GOLGA3: variants seen among roughly 807,000 people sequenced by gnomAD.
GOLGA3 encodes the protein golgin A3, also known as golgin subfamily A member 3.
GOLGA3 carries 75 observed loss-of-function variants against 169.4 expected under a neutral mutation model. The ratio of observed to expected loss-of-function variants is 0.44; its 90% CI spans 0.37 to 0.54. GOLGA3 has a LOEUF of 0.54. Ranked by LOEUF, GOLGA3 falls within the 20% of genes least tolerant of loss-of-function variation. GOLGA3 has a pLI of 0.00. For missense variants in GOLGA3, 1,899 were observed against 1,930.0 expected, an observed-to-expected ratio of 0.98 and a Z score of 0.30; for synonymous variants, 824 against 822.4, an observed-to-expected ratio of 1.00 and a Z score of -0.03.
At position 132,796,140 on chromosome 12, in the gene GOLGA3, G is replaced by A. The variant is rs1345728182; in HGVS notation, c.2181C>T (p.Thr727=). The change falls in exon 11 of 24, where the codon ACC becomes ACT. Residue 727 remains threonine, a synonymous_variant. Coordinates refer to ENST00000450791, the MANE Select transcript of GOLGA3 (RefSeq NM_001389683.1). The part of the protein sequence containing the change: ...QEHLDLMKQL[T]LTQEALQSRE... Reference sequence around the variant, plus strand: ...TGCTCTGCAGAGCCTCCTGAGTCAAGGTGAGCTGTTTCATCAGGTCCAGGT... The same window carrying A: ...TGCTCTGCAGAGCCTCCTGAGTCAAAGTGAGCTGTTTCATCAGGTCCAGGT... The A allele has an allele frequency of 1.1e-5, 18 of 1,610,776 alleles. No individual in the cohort carries two copies. Among genetic ancestry groups the A allele is most frequent in the Non-Finnish European group, 1.5e-5 (18 of 1,178,296 alleles).
At chr12:132,786,901 G>A in intron 13 of GOLGA3, 114 bp from the exon 14 acceptor site, 4 of 724,446 alleles carry the variant, frequency 5.5e-6, no homozygotes, top group South Asian at 4.9e-5. Flanking sequence ...CGCCCTGGAG[G>A]ACTTGGGCCT....
In GOLGA3 at chr12:132,791,232, T is replaced by A. The variant is rs1034414179; in HGVS notation, c.2531A>T (p.Gln844Leu). The change falls in exon 12 of 24, where the codon CAG becomes CTG. Residue 844 changes from glutamine to leucine, a missense_variant. Physicochemically the swap from Gln to Leu is moderately radical, Grantham distance 113 (BLOSUM62 -2). Coordinates refer to ENST00000450791, the MANE Select transcript of GOLGA3 (RefSeq NM_001389683.1). ...LKKQMQKIKEQFLQQKVMVEA... is the reference protein window; with the variant it reads ...LKKQMQKIKELFLQQKVMVEA... Reference sequence around the variant, plus strand: ...GATTTTTACCTTTTGTTGGAGAAACTGTTCCTTTATTTTTTGCATTTGCTT... The same window carrying A: ...GATTTTTACCTTTTGTTGGAGAAACAGTTCCTTTATTTTTTGCATTTGCTT... 17 of 1,599,360 alleles carry A rather than the reference T, an allele frequency of 1.1e-5. No individual in the cohort carries two copies. The Admixed American group carries it at 2.2e-4, about 20-fold the overall frequency.
At chr12:132,774,116 C>T in intron 23 of GOLGA3, 41 bp downstream of exon 23, 1 of 1,526,232 alleles carries the variant, frequency 6.6e-7, no homozygotes, top group Non-Finnish European at 8.8e-7. Flanking sequence ...GGGCATTAAT[C>T]TTTAAGACTA....
intron 4 of GOLGA3, among the ~76,000 whole-genome samples, chr12:132,809,704 G>A (rs1050863587): frequency 2.0e-5 from 3 of 152,058 alleles, no homozygotes; most frequent in African/African-American, 4.8e-5. Flanking sequence ...ATTATAGAGC[G>A]AGGATTATCA....
Position 132,801,841 on chromosome 12 carries a change from G to A in GOLGA3, c.1726C>T (p.Gln576Ter). 2 of 1,608,918 alleles carry A rather than the reference G, an allele frequency of 1.2e-6. No homozygotes were observed. The highest frequency in any genetic ancestry group is 1.1e-5 in the South Asian group (1 of 91,076). Residue 576 changes from glutamine to a stop codon, truncating the protein, a stop_gained, in exon 8 of 24, where the codon CAG becomes TAG. Transcript: ENST00000450791. LOFTEE classifies it high-confidence loss of function. ...AEISSLQSVR[Q>*]WYQQQLALAQ... The stretch of plus-strand genomic sequence containing the variant: ...AGGGCGAGCTGCTGCTGGTACCACT[G>A]CCGGACACTCTGCAGGGACGAGATC...
In GOLGA3 at chr12:132,827,214, C is replaced by T. The variant is rs1314670580; in HGVS notation, c.-184+1589G>A. 2.0e-5 allele frequency among the ~76,000 whole-genome samples: 3 copies of T among 152,224 alleles called. No homozygotes were observed. In the East Asian group the frequency reaches 5.8e-4, roughly 29 times the overall value. ...CAACAGAGCACAGCCAAAAACCAAA[C>T]ACGATTTCCTCAGGAAAAGAGTACC... On this transcript the variant is annotated intron_variant, in intron 1 of 23. Coordinates refer to ENST00000450791, the MANE Select transcript of GOLGA3 (RefSeq NM_001389683.1).
intron 11 of GOLGA3, among the ~76,000 whole-genome samples, chr12:132,794,877 T>C (rs533376153): frequency 6.6e-6 from 1 of 152,344 alleles, no homozygotes; most frequent in Non-Finnish European, 1.5e-5. Flanking sequence ...GATTTCCTCT[T>C]GCCCTTGATC....
rs2045653094 is a variant in GOLGA3 at position 132,782,383 on chromosome 12, C to T, written c.3378G>A (p.Gln1126=). ...TGTGTTCCCGCAGAGCTGCGTTGGA[C>T]TGACCGAGGCCCGTAAGCTTCCCTT... is the stretch of plus-strand genomic sequence containing the variant. The part of the protein sequence containing the change: ...HEKGKLTGLG[Q]SNAALREHNS... The change falls in exon 17 of 24, where the codon CAG becomes CAA. Residue 1126 remains glutamine, a synonymous_variant. Coordinates refer to ENST00000450791, the MANE Select transcript of GOLGA3 (RefSeq NM_001389683.1). The T allele has an allele frequency of 1.2e-6, 2 of 1,614,136 alleles. No homozygotes were observed. The highest frequency in any genetic ancestry group is 1.3e-5 in the African/African-American group (1 of 74,944).
chr12:132,791,339 G>A (rs749343408), intron 11 of GOLGA3, 46 bp from the exon 12 acceptor site: 3 of 1,099,376 alleles, frequency 2.7e-6, no homozygotes, highest in Admixed American at 3.7e-5. Context: ...GCTCCAGGAG[G>A]GGAATCTGTC....
rs2045160691 is a variant in GOLGA3, at chr12:132,775,252, C to G, written c.4032G>C (p.Lys1344Asn). 3 of 1,613,954 alleles carry G rather than the reference C, an allele frequency of 1.9e-6. No individual in the cohort carries two copies. Among genetic ancestry groups the G allele is most frequent in the South Asian group, 2.2e-5 (2 of 91,092 alleles). Residue 1344 changes from lysine (K) to asparagine (N), a missense_variant, in exon 22 of 24, where the codon AAG becomes AAC. Coordinates refer to ENST00000450791, the MANE Select transcript of GOLGA3 (RefSeq NM_001389683.1). ...MAQEDLSMTQ[K>N]DKFMLQAKVS... ...CTTTTGCCTGGAGCATAAATTTATCCTTCTGGGTCATGGACAGGTCTTCCT... is the reference window on the plus strand; with the variant it reads ...CTTTTGCCTGGAGCATAAATTTATCGTTCTGGGTCATGGACAGGTCTTCCT...
chr12:132,779,725 G>C (rs533867357), intron 18 of GOLGA3, among the ~76,000 whole-genome samples: 41 of 146,052 alleles, frequency 2.8e-4, no homozygotes, highest in East Asian at 1.6e-3. Flanking sequence ...ACACACCACA[G>C]CCCAGGCACA....
At chr12:132,800,305 C>G (rs961996767) in intron 8 of GOLGA3, among the ~76,000 whole-genome samples, 7 of 152,042 alleles carry the variant, frequency 4.6e-5, no homozygotes, top group African/African-American at 1.7e-4. Context: ...ACGAGCTTGG[C>G]CAATATGGTG....
chr12:132,797,619 G>C (rs1442212855), intron 9 of GOLGA3, among the ~76,000 whole-genome samples: 8 of 152,150 alleles, frequency 5.3e-5, no homozygotes, highest in Non-Finnish European at 1.2e-4. Context: ...GGCTGAGGCA[G>C]GAGAATTGCT....
At chr12:132,811,349 A>C (rs1394780934) in intron 4 of GOLGA3, among the ~76,000 whole-genome samples, 1 of 152,044 alleles carries the variant, frequency 6.6e-6, no homozygotes. Flanking sequence ...CCCCACCCCC[A>C]TCTAGAACCC....
chr12:132,773,385 A>C, intron 23 of GOLGA3, 91 bp from the exon 24 acceptor site: 1 of 825,174 alleles, frequency 1.2e-6, no homozygotes, highest in Non-Finnish European at 1.8e-6. Context: ...CTAGCACCTG[A>C]GTGGACCGGG....
At chr12:132,798,059 A>G (rs1319378275) in intron 9 of GOLGA3, among the ~76,000 whole-genome samples, 1 of 151,944 alleles carries the variant, frequency 6.6e-6, no homozygotes, top group Non-Finnish European at 1.5e-5. Context: ...AAAGAGCCGC[A>G]AGTGCTCACT....
intron 20 of GOLGA3, 70 bp from the exon 21 acceptor site, chr12:132,776,826 G>C: frequency 1.9e-6 from 3 of 1,581,690 alleles, no homozygotes; most frequent in Non-Finnish European, 2.6e-6. Flanking sequence ...AATGGCTCTA[G>C]CTGTGTTTTG....
At chr12:132,824,183 G>A (rs1362257064) in intron 1 of GOLGA3, among the ~76,000 whole-genome samples, 1 of 152,196 alleles carries the variant, frequency 6.6e-6, no homozygotes, top group Non-Finnish European at 1.5e-5. Context: ...TCTTTCTAGG[G>A]GTTTTTACTC....
Position 132,773,079 on chromosome 12 carries a change from G to A in GOLGA3, c.*26C>T, listed in dbSNP as rs376755932. 2.4e-5 allele frequency: 35 copies of A among 1,465,198 alleles called. No homozygotes were observed. The highest frequency in any genetic ancestry group is 3.0e-5 in the Non-Finnish European group (32 of 1,084,598). The allele number at this position is 1,465,198 out of a possible 1,614,324, so 90.8% of individuals were successfully genotyped here. A position where few individuals can be genotyped will look rare whatever the true frequency, so the allele number is the denominator to read the frequency against. On this transcript the variant is annotated 3_prime_UTR_variant, in exon 24 of 24. Coordinates refer to ENST00000450791, the MANE Select transcript of GOLGA3 (RefSeq NM_001389683.1). ...ATTGATAAGAGCCTTCTGGGGCAGC[G>A]GCGCACGGAGGCGAGTCCACAGCAG...
Sources: allele counts gnomAD v4.1 joint callset (sites outside exome capture counted in the v4.1 genomes callset), GRCh38; gene constraint gnomAD v4.1.1; transcripts MANE v1.5; gene names NCBI Gene and HGNC (gene_info 2026-07-23, HGNC 2026-07-21).